Variants in ZDHHC1 observed in about 807,000 individuals in gnomAD.
ZDHHC1 encodes the protein zDHHC palmitoyltransferase 1.
ZDHHC1 carries 45 observed loss-of-function variants against 46.9 expected under a neutral mutation model. The ratio of observed to expected loss-of-function variants is 0.96; its 90% confidence interval spans 0.76 to 1.23. ZDHHC1 has a LOEUF of 1.23. ZDHHC1 is among the 50% of genes most tolerant of loss of function. ZDHHC1 has a pLI of 0.00. For synonymous variants in ZDHHC1, 291 were observed against 286.0 expected, an observed-to-expected ratio of 1.02 and a Z score of -0.18; for missense variants, 649 against 670.8, an observed-to-expected ratio of 0.97 and a Z score of 0.36.
chr16:67,414,992 C>T (rs572351920), intron 1 of ZDHHC1, among the ~76,000 whole-genome samples: 77 of 152,132 alleles, frequency 5.1e-4, no homozygotes, highest in Middle Eastern at 3.4e-3. Flanking sequence ...CAAAAATTAG[C>T]TGGGTGTGGT....
At chr16:67,395,449 A>T in intron 9 of ZDHHC1, 35 bp downstream of exon 9, 3 of 1,550,284 alleles carry the variant, frequency 1.9e-6, no homozygotes, top group Non-Finnish European at 2.6e-6. Flanking sequence ...TGCTAACTGG[A>T]GATGCCCAGT....
Position 67,394,787 on chromosome 16 carries a change from C to T in ZDHHC1, c.1272G>A (p.Glu424=). ...PAGAYHSASA[E]SVDEIPVAQT... is the part of the protein sequence containing the mutation. ...GCGCCACTGGAATCTCGTCCACGGA[C>T]TCTGCCGACGCCGAGTGGTAGGCGC... The change falls in exon 12 of 12, where the codon GAG becomes GAA. Residue 424 remains glutamate (E), a synonymous_variant. Coordinates refer to ENST00000565726, the MANE Select transcript of ZDHHC1 (RefSeq NM_001323627.2). 6.5e-7 allele frequency: 1 copy of T among 1,534,344 alleles called. No homozygotes were observed. Among genetic ancestry groups the T allele is most frequent in the African/African-American group, 1.4e-5 (1 of 72,976 alleles).
intron 5 of ZDHHC1, 86 bp downstream of exon 5, chr16:67,399,269 C>T: frequency 1.6e-6 from 2 of 1,263,764 alleles, no homozygotes; most frequent in East Asian, 2.4e-5. Flanking sequence ...CCATCCCCGC[C>T]CGCCTGCCAT....
chr16:67,400,105 G>A (rs766640577), intron 4 of ZDHHC1, among the ~76,000 whole-genome samples: 2 of 152,340 alleles, frequency 1.3e-5, no homozygotes, highest in Non-Finnish European at 2.9e-5. Flanking sequence ...GCAATGGGCA[G>A]CAGCTGCTGG....
chr16:67,399,198 G>A (rs1427808436), intron 5 of ZDHHC1, among the ~76,000 whole-genome samples, 157 bp downstream of exon 5: 4 of 152,150 alleles, frequency 2.6e-5, no homozygotes, highest in Non-Finnish European at 4.4e-5. Context: ...CGGCACCCAG[G>A]AGCATCACTC....
At chr16:67,409,653 C>A (rs745901271) in intron 1 of ZDHHC1, among the ~76,000 whole-genome samples, 4 of 152,218 alleles carry the variant, frequency 2.6e-5, no homozygotes, top group Non-Finnish European at 5.9e-5. Flanking sequence ...ATGGATGGGA[C>A]CAAGCACTGT....
In ZDHHC1 at chr16:67,398,320, C is replaced by T. The variant is rs2040473310; in HGVS notation, c.819G>A (p.Trp273Ter). 2 of 1,612,780 alleles carry T rather than the reference C, an allele frequency of 1.2e-6. No individual in the cohort carries two copies. Among genetic ancestry groups the T allele is most frequent in the Non-Finnish European group, 1.7e-6 (2 of 1,179,374 alleles). Residue 273 changes from tryptophan to a stop codon, truncating the protein, a stop_gained, in exon 8 of 12, where the codon TGG (tryptophan) becomes TGA (stop). Coordinates refer to ENST00000565726, the MANE Select transcript of ZDHHC1 (RefSeq NM_001323627.2). LOFTEE classifies it high-confidence loss of function. The stretch of plus-strand genomic sequence containing the variant: ...TGTACTCATAGGTGGTGAGCTTGTG[C>T]CACACTGGTGGGGGGAGGAGAGGGC... The part of the protein sequence containing the change: ...HLLCFHIYLM[W>*]HKLTTYEYIV...
In ZDHHC1 at chr16:67,394,797, GCC is replaced by G; in HGVS notation, c.1260_1261del (p.Ala421ValfsTer77). ...AATCTCGTCCACGGACTCTGCCGAC[GCC>G]GAGTGGTAGGCGCCGGCAGGGCCAG... On this transcript the variant is annotated frameshift_variant, in exon 12 of 12. Coordinates refer to ENST00000565726, the MANE Select transcript of ZDHHC1 (RefSeq NM_001323627.2). LOFTEE classifies it low-confidence loss of function (END_TRUNC). 6.5e-7 allele frequency: 1 copy of G among 1,536,314 alleles called. No individual in the cohort carries two copies. The highest frequency in any genetic ancestry group is 1.2e-5 in the South Asian group (1 of 83,884).
At chr16:67,408,670 CAG>C (rs2040703457) in intron 1 of ZDHHC1, among the ~76,000 whole-genome samples, 1 of 149,770 alleles carries the variant, frequency 6.7e-6, no homozygotes, top group Non-Finnish European at 1.5e-5. Context: ...TTTATTTTTG[CAG>C]AGACAGTCCC....
At chr16:67,402,647 G>C (rs1200583395) in intron 3 of ZDHHC1, among the ~76,000 whole-genome samples, 3 of 148,496 alleles carry the variant, frequency 2.0e-5, no homozygotes, top group African/African-American at 7.6e-5. Context: ...TTTTTTTTGA[G>C]ATGGAGTCTC....
chr16:67,416,464 C>A lies in ZDHHC1; in HGVS notation c.-332G>T. ...CCAGGCCAGACCCAGACTGGCTGGG[C>A]CTCGTCCGGCGCTGGGCCCGTTCCC... On this transcript the variant is annotated 5_prime_UTR_variant, in exon 1 of 12. Coordinates refer to ENST00000565726, the MANE Select transcript of ZDHHC1 (RefSeq NM_001323627.2). 1 of 163,698 alleles carries A rather than the reference C, an allele frequency of 6.1e-6. No individual in the cohort carries two copies. The highest frequency in any genetic ancestry group is 1.4e-5 in the Non-Finnish European group (1 of 73,678). The allele number at this position is 163,698 out of a possible 1,614,324, so 10.1% of individuals were successfully genotyped here. A position where few individuals can be genotyped will look rare whatever the true frequency, so the allele number is the denominator to read the frequency against.
chr16:67,409,403 G>A (rs1008798528), intron 1 of ZDHHC1, among the ~76,000 whole-genome samples: 3 of 152,210 alleles, frequency 2.0e-5, no homozygotes, highest in Non-Finnish European at 4.4e-5. Context: ...GGCCCAGGAA[G>A]GGAGCACTTG....
intron 3 of ZDHHC1, among the ~76,000 whole-genome samples, chr16:67,403,801 G>C (rs2040600214): frequency 6.6e-6 from 1 of 152,082 alleles, no homozygotes; most frequent in Non-Finnish European, 1.5e-5. Context: ...TTTTAGTAGA[G>C]ATGGAGTTTC....
intron 4 of ZDHHC1, among the ~76,000 whole-genome samples, chr16:67,400,198 T>A (rs1004699430): frequency 2.0e-5 from 3 of 152,208 alleles, no homozygotes; most frequent in Non-Finnish European, 2.9e-5. Flanking sequence ...GCCTTAAGGC[T>A]AGGGGCTTGC....
At position 67,394,702 on chromosome 16, in the gene ZDHHC1, G is replaced by A; in HGVS notation, c.1357C>T (p.Leu453=). ...APRGRGRQPT[L]ARQARAPAVF... is the part of the protein sequence containing the mutation. The stretch of plus-strand genomic sequence containing the variant: ...GCGGGCGCACGCGCCTGCCGCGCCA[G>A]CGTGGGCTGTCGGCCCCGGCCCCGC... Residue 453 remains leucine (L), a synonymous_variant, in exon 12 of 12, where the codon CTG becomes TTG. Coordinates refer to ENST00000565726, the MANE Select transcript of ZDHHC1 (RefSeq NM_001323627.2). 9.0e-6 allele frequency: 12 copies of A among 1,328,058 alleles called. No individual in the cohort carries two copies. The highest frequency in any genetic ancestry group is 1.1e-5 in the Non-Finnish European group (12 of 1,044,686). The allele number at this position is 1,328,058 out of a possible 1,614,324, so 82.3% of individuals were successfully genotyped here. A position where few individuals can be genotyped will look rare whatever the true frequency, so the allele number is the denominator to read the frequency against.
In ZDHHC1 at chr16:67,406,674, G is replaced by T. The variant is rs933666705; in HGVS notation, c.10-232C>A. On this transcript the variant is annotated intron_variant, in intron 2 of 11. Coordinates refer to ENST00000565726, the MANE Select transcript of ZDHHC1 (RefSeq NM_001323627.2). This position sits in a 1 kb window ranked among gnomAD's most constrained non-coding sequence, Gnocchi z 4.1. ...GCCCTAGACTGGCCAGGACAAGGTAGGAGGGCCCAGGATTTATTCAGGACA... is the reference window on the plus strand; with the variant it reads ...GCCCTAGACTGGCCAGGACAAGGTATGAGGGCCCAGGATTTATTCAGGACA... Among the ~76,000 whole-genome samples the T allele has an allele frequency of 6.6e-6, 1 of 152,188 alleles. No individual in the cohort carries two copies. The highest frequency in any genetic ancestry group is 2.4e-5 in the African/African-American group (1 of 41,434).
At chr16:67,404,672 C>T (rs760196767) in intron 3 of ZDHHC1, 16 of 455,062 alleles carry the variant, frequency 3.5e-5, no homozygotes, top group South Asian at 1.2e-4. Context: ...ACTGGGTGCC[C>T]GCTATGTGAT....
chr16:67,401,093 G>C lies in ZDHHC1; in HGVS notation c.292C>G (p.Leu98Val), dbSNP rs2040545399. ...AIFAGHLVVHLTAVSIDPADA... is the reference protein window; with the variant it reads ...AIFAGHLVVHVTAVSIDPADA... ...GCTGGATCGATGGAGACGGCGGTCA[G>C]GTGCACCACAAGGTGGCCAGCAAAG... The change falls in exon 4 of 12, where the codon CTG becomes GTG. Residue 98 changes from leucine to valine, a missense_variant. By Grantham distance (32) the Leu-to-Val change is conservative (BLOSUM62 1). Coordinates refer to ENST00000565726, the MANE Select transcript of ZDHHC1 (RefSeq NM_001323627.2). This position sits in a 1 kb window ranked among gnomAD's most constrained non-coding sequence, Gnocchi z 4.6. 6.2e-7 allele frequency: 1 copy of C among 1,613,970 alleles called. No homozygotes were observed. Among genetic ancestry groups the C allele is most frequent in the African/African-American group, 1.3e-5 (1 of 74,934 alleles).
chr16:67,400,626 G>C (rs2040533555), intron 4 of ZDHHC1, among the ~76,000 whole-genome samples: 1 of 152,210 alleles, frequency 6.6e-6, no homozygotes, highest in Non-Finnish European at 1.5e-5. Context: ...AGCACACAGT[G>C]AGTGTCAGGC....
Sources: allele counts gnomAD v4.1 joint callset (sites outside exome capture counted in the v4.1 genomes callset), GRCh38; gene constraint gnomAD v4.1.1; non-coding constraint Gnocchi (gnomAD v3.1); transcripts MANE v1.5; gene names NCBI Gene and HGNC (gene_info 2026-07-23, HGNC 2026-07-21).